GCNT1: variants seen among roughly 807,000 people sequenced by gnomAD.
GCNT1 encodes beta-1,3-galactosyl-O-glycosyl-glycoprotein beta-1,6-N-acetylglucosaminyltransferase.
GCNT1 carries 16 observed loss-of-function variants against 26.2 expected under a neutral mutation model. The observed-to-expected ratio is 0.61, with a 90% CI of 0.41 to 0.93. The LOEUF (loss-of-function observed/expected upper bound fraction) is 0.93. Among genes scored for constraint, GCNT1 ranks in the 40% least tolerant of loss-of-function variants. The pLI, the probability that GCNT1 is intolerant of heterozygous loss-of-function variation, is 0.00. For missense variants in GCNT1, 477 were observed against 526.7 expected (o/e 0.91, Z 0.92); for synonymous variants, 183 against 190.8 (o/e 0.96, Z 0.34).
At chr9:76,443,652 A>G (rs1823517671) in intron 1 of GCNT1, among the ~76,000 whole-genome samples, 1 of 152,120 alleles carries the variant, frequency 6.6e-6, no homozygotes, top group African/African-American at 2.4e-5. Flanking sequence ...GATTTTGTTT[A>G]TGGCCAGTTT....
intron 2 of GCNT1, among the ~76,000 whole-genome samples, chr9:76,493,082 A>G (rs1276748501): frequency 1.3e-5 from 2 of 152,166 alleles, no homozygotes; most frequent in African/African-American, 4.8e-5. Context: ...CGCTTGAGGA[A>G]GGCAGAAGGA....
chr9:76,398,656 G>A, the GCNT1 span: 31 of 1,000,912 alleles, frequency 3.1e-5, no homozygotes, highest in Middle Eastern at 2.7e-4. Context: ...CCCATACGGC[G>A]TTGTTCTGGA....
intron 2 of GCNT1, among the ~76,000 whole-genome samples, chr9:76,483,342 A>G (rs1428339772): frequency 6.6e-6 from 1 of 152,122 alleles, no homozygotes; most frequent in Non-Finnish European, 1.5e-5. Flanking sequence ...ATCTCTAAAT[A>G]ATAATGCTTA....
chr9:76,424,365 A>G (rs1197864788), intron 1 of GCNT1, among the ~76,000 whole-genome samples: 3 of 152,218 alleles, frequency 2.0e-5, no homozygotes, highest in African/African-American at 7.2e-5. Flanking sequence ...TCCAGCTTCC[A>G]CTACTGACAC....
At chr9:76,411,503 A>AT in the GCNT1 span, among the ~76,000 whole-genome samples, 1 of 148,668 alleles carries the variant, frequency 6.7e-6, no homozygotes, top group East Asian at 2.0e-4. Context: ...TAATTTTTGT[A>AT]TTTTTTGTAG....
chr9:76,431,699 T>C (rs974549565), intron 1 of GCNT1, among the ~76,000 whole-genome samples: 3 of 152,196 alleles, frequency 2.0e-5, no homozygotes, highest in African/African-American at 7.2e-5. Flanking sequence ...CAGGCTGATA[T>C]CAAAGCGCCA....
At chr9:76,485,736 C>CTTT (rs34832618) in intron 2 of GCNT1, among the ~76,000 whole-genome samples, 1 of 146,780 alleles carries the variant, frequency 6.8e-6, no homozygotes, top group Non-Finnish European at 1.5e-5. Context: ...CTGTCTCTTC[C>CTTT]TTTTTTTTTT....
At chr9:76,473,231 A>T (rs982631190) in intron 2 of GCNT1, among the ~76,000 whole-genome samples, 4 of 152,180 alleles carry the variant, frequency 2.6e-5, no homozygotes, top group Admixed American at 6.5e-5. Context: ...AACTATATTG[A>T]CCAAGCCTAT....
In GCNT1 at chr9:76,504,105, A is replaced by G. The variant is rs908480191; in HGVS notation, c.*437A>G. The G allele has an allele frequency of 2.9e-5, 6 of 207,230 alleles. No homozygotes were observed. The highest frequency in any genetic ancestry group is 1.4e-4 in the African/African-American group (6 of 42,962). 12.8% of individuals were successfully genotyped at this position (207,230 alleles called of 1,614,324 possible). A position where few individuals can be genotyped will look rare whatever the true frequency, so the allele number is the denominator to read the frequency against. On this transcript the variant is annotated 3_prime_UTR_variant, in exon 4 of 4. Coordinates refer to ENST00000376730, the MANE Select transcript of GCNT1 (RefSeq NM_001490.5). ...AACTTACAGCAACAAATAATCAAAG[A>G]TACAATTAATCTGATATTATATTTG...
In GCNT1 at chr9:76,503,265, A is replaced by G; in HGVS notation, c.884A>G (p.Tyr295Cys). Residue 295 changes from tyrosine to cysteine, a missense_variant, in exon 4 of 4, where the codon TAT (tyrosine) becomes TGT (cysteine). By Grantham distance (194) the Tyr-to-Cys change is radical (BLOSUM62 -2). Coordinates refer to ENST00000376730, the MANE Select transcript of GCNT1 (RefSeq NM_001490.5). ...GCCTACTTCGTGGTCAGTAGGGAGT[A>G]TGTGGGGTATGTACTACAGAATGAA... ...GSAYFVVSRE[Y>C]VGYVLQNEKI... 2 of 1,614,154 alleles carry G rather than the reference A, an allele frequency of 1.2e-6. No individual in the cohort carries two copies. The highest frequency in any genetic ancestry group is 1.7e-6 in the Non-Finnish European group (2 of 1,180,018).
At chr9:76,426,578 A>G in intron 1 of GCNT1, among the ~76,000 whole-genome samples, 1 of 152,090 alleles carries the variant, frequency 6.6e-6, no homozygotes, top group East Asian at 1.9e-4. Context: ...AAAAAAAAAG[A>G]AAAGAAAAAT....
chr9:76,464,515 C>T lies in GCNT1; in HGVS notation c.-290+4338C>T, dbSNP rs114040102. On this transcript the variant is annotated intron_variant, in intron 2 of 3. Coordinates refer to ENST00000376730, the MANE Select transcript of GCNT1 (RefSeq NM_001490.5). ...TACAGGTGTAAGCCACCATCCCTGGCCACTAAAGTGTTTTTGATTTGTGGT... is the reference window on the plus strand; with the variant it reads ...TACAGGTGTAAGCCACCATCCCTGGTCACTAAAGTGTTTTTGATTTGTGGT... Among the ~76,000 whole-genome samples, 402 of 152,330 alleles carry T rather than the reference C, an allele frequency of 2.6e-3. 1 individual carries two copies. The highest frequency in any genetic ancestry group is 9.3e-3 in the African/African-American group (386 of 41,570).
chr9:76,408,033 A>G, the GCNT1 span, among the ~76,000 whole-genome samples: 2 of 152,134 alleles, frequency 1.3e-5, no homozygotes, highest in Admixed American at 1.3e-4. Flanking sequence ...GTGGTGGTTT[A>G]TTCTTATGGA....
At chr9:76,479,793 A>G (rs1318496177) in intron 2 of GCNT1, among the ~76,000 whole-genome samples, 2 of 152,186 alleles carry the variant, frequency 1.3e-5, no homozygotes, top group African/African-American at 4.8e-5. Flanking sequence ...ATTTTCTCCC[A>G]TTCTGTAGGT....
intron 3 of GCNT1, among the ~76,000 whole-genome samples, chr9:76,501,312 A>G (rs1825060386): frequency 6.6e-6 from 1 of 152,218 alleles, no homozygotes; most frequent in East Asian, 1.9e-4. Flanking sequence ...GCCAAGTTAT[A>G]AAATTGATTT....
At position 76,503,947 on chromosome 9, in the gene GCNT1, G is replaced by A; in HGVS notation, c.*279G>A. 2 of 436,088 alleles carry A rather than the reference G, an allele frequency of 4.6e-6. No individual in the cohort carries two copies. Among genetic ancestry groups the A allele is most frequent in the Non-Finnish European group, 8.7e-6 (2 of 229,028 alleles). The allele number at this position is 436,088 out of a possible 1,614,324, so 27.0% of individuals were successfully genotyped here. A position where few individuals can be genotyped will look rare whatever the true frequency, so the allele number is the denominator to read the frequency against. Reference sequence around the variant, plus strand: ...GGCATTGTGGAAAGAGGGGACCAGGGTGGCTGGGGAAGAGGCCGATGCATA... The same window carrying A: ...GGCATTGTGGAAAGAGGGGACCAGGATGGCTGGGGAAGAGGCCGATGCATA... On this transcript the variant is annotated 3_prime_UTR_variant, in exon 4 of 4. Transcript: ENST00000376730.
At chr9:76,478,515 C>T (rs765726944) in intron 2 of GCNT1, among the ~76,000 whole-genome samples, 46 of 152,132 alleles carry the variant, frequency 3.0e-4, no homozygotes, top group African/African-American at 7.7e-4. Context: ...CGGGAGGGTC[C>T]GCAGCTTCAT....
chr9:76,486,440 G>A (rs983820702), intron 2 of GCNT1, among the ~76,000 whole-genome samples: 1 of 152,170 alleles, frequency 6.6e-6, no homozygotes, highest in African/African-American at 2.4e-5. Flanking sequence ...AGAATTCCAA[G>A]TTGAAAACAG....
intron 2 of GCNT1, among the ~76,000 whole-genome samples, chr9:76,479,519 C>A (rs1215207342): frequency 2.6e-5 from 4 of 152,190 alleles, no homozygotes; most frequent in Non-Finnish European, 5.9e-5. Context: ...CTCTCCAGCA[C>A]CTGTTGTTAC....
Sources: gnomAD v4.1 joint callset for allele counts (sites outside exome capture counted in the v4.1 genomes callset) on GRCh38, gnomAD v4.1.1 for gene constraint, MANE v1.5 for transcripts, NCBI Gene and HGNC (gene_info 2026-07-23, HGNC 2026-07-21) for gene names.